NOLC1: variants seen among roughly 807,000 people sequenced by gnomAD.
NOLC1 encodes 140 kDa nucleolar phosphoprotein.
NOLC1 carries 37 observed loss-of-function variants against 73.4 expected under a neutral mutation model. That is an observed-to-expected ratio of 0.50 (90% CI 0.39 to 0.66). The LOEUF (loss-of-function observed/expected upper bound fraction) is 0.66. Ranked by LOEUF, NOLC1 falls within the 30% of genes least tolerant of loss-of-function variation. The probability of loss-of-function intolerance (pLI) is 0.00; values close to 1 mark genes in which losing one functional copy is unlikely to be tolerated. For synonymous variants in NOLC1, 327 were observed against 302.6 expected (o/e 1.08, Z -0.84); for missense variants, 921 against 838.9 (o/e 1.10, Z -1.21).
chr10:102,161,755 C>T, intron 11 of NOLC1, 78 bp from the exon 12 acceptor site: 2 of 1,515,736 alleles, frequency 1.3e-6, no homozygotes, highest in South Asian at 2.3e-5. Flanking sequence ...TGACCTGGTA[C>T]ATGTGCCCAT....
At chr10:102,158,293 CAG>C (rs1028892067) in intron 5 of NOLC1, 79 bp downstream of exon 5, 24 of 1,312,506 alleles carry the variant, frequency 1.8e-5, no homozygotes, top group Non-Finnish European at 2.2e-5. Context: ...CGATTTGGCA[CAG>C]GGGTGAAATG....
intron 1 of NOLC1, among the ~76,000 whole-genome samples, chr10:102,155,517 AT>A (rs147766613): frequency 0.019 from 2,566 of 133,682 alleles, 49 homozygotes; most frequent in African/African-American, 0.05. Context: ...GCCTGAATGC[AT>A]TTTTTTTTTT....
chr10:102,156,084 C>T (rs1201128844), intron 1 of NOLC1, among the ~76,000 whole-genome samples: 2 of 152,192 alleles, frequency 1.3e-5, no homozygotes, highest in Non-Finnish European at 2.9e-5. Flanking sequence ...AGGCGATCTG[C>T]CCGCCTTGGC....
Position 102,152,403 on chromosome 10 carries a change from C to G in NOLC1, c.-8C>G, listed in dbSNP as rs1235312711. 2.5e-6 allele frequency: 4 copies of G among 1,608,718 alleles called. No homozygotes were observed. Among genetic ancestry groups the G allele is most frequent in the Admixed American group, 1.7e-5 (1 of 60,026 alleles). ...TCGACAACGGTAGTGACGCGTATTG[C>G]CTGGAGGATGGCGGACGCCGGCATT... On this transcript the variant is annotated 5_prime_UTR_variant, in exon 1 of 13. Coordinates refer to ENST00000605788, the MANE Select transcript of NOLC1 (RefSeq NM_004741.5).
chr10:102,159,796 A>T, intron 7 of NOLC1, 100 bp from the exon 8 acceptor site: 1 of 1,264,454 alleles, frequency 7.9e-7, no homozygotes, highest in Non-Finnish European at 1.1e-6. Flanking sequence ...TCTGGCCCAT[A>T]CTCAAGTGAA....
rs774300241 is a variant in NOLC1 at position 102,159,218 on chromosome 10, T to C, written c.633T>C (p.Asn211=). ...KPARAAPKIA[N]GKAASSSSSS... ...CTCGAGCAGCACCTAAAATAGCCAA[T>C]GGTAAAGCAGCCAGTAGCAGCAGTA... Residue 211 remains asparagine (N), a synonymous_variant, in exon 6 of 13, where the codon AAT becomes AAC. Transcript: ENST00000605788. 6 of 1,613,768 alleles carry C rather than the reference T, an allele frequency of 3.7e-6. No individual in the cohort carries two copies. Among genetic ancestry groups the C allele is most frequent in the East Asian group, 2.2e-5 (1 of 44,866 alleles).
At chr10:102,155,743 C>T (rs918934292) in intron 1 of NOLC1, among the ~76,000 whole-genome samples, 2 of 152,118 alleles carry the variant, frequency 1.3e-5, no homozygotes, top group African/African-American at 4.8e-5. Flanking sequence ...CTCCTGACAT[C>T]ATGATCTGCC....
chr10:102,159,961 CCCAAGA>C lies in NOLC1; in HGVS notation c.926_931del (p.Pro309_Lys311delinsGln), dbSNP rs990798703. 1.9e-6 allele frequency: 3 copies of C among 1,610,966 alleles called. No homozygotes were observed. The highest frequency in any genetic ancestry group is 2.5e-6 in the Non-Finnish European group (3 of 1,178,602). ...AAAGAAGTCTCTGGGAACCCAGCCT[CCCAAGA>C]AGGCTGTGGAGAAGCAGCAGCCTGT... On this transcript the variant is annotated inframe_deletion, in exon 8 of 13. Transcript: ENST00000605788.
In NOLC1 at chr10:102,152,462, G is replaced by C; in HGVS notation, c.52G>C (p.Val18Leu). 2.5e-6 allele frequency: 4 copies of C among 1,613,454 alleles called. No individual in the cohort carries two copies. The highest frequency in any genetic ancestry group is 3.4e-6 in the Non-Finnish European group (4 of 1,180,032). ...RVVPSDLYPL[V>L]LGFLRDNQLS... ...GGTTCCCAGCGACCTGTATCCCCTC[G>C]TGCTCGGCTTCCTGCGCGATAACCA... is the stretch of plus-strand genomic sequence containing the variant. Residue 18 changes from valine to leucine, a missense_variant, in exon 1 of 13, where the codon GTG (valine) becomes CTG (leucine). Coordinates refer to ENST00000605788, the MANE Select transcript of NOLC1 (RefSeq NM_004741.5).
chr10:102,159,105 C>G, intron 5 of NOLC1, 88 bp from the exon 6 acceptor site: 3 of 982,130 alleles, frequency 3.1e-6, no homozygotes, highest in Non-Finnish European at 4.5e-6. Context: ...TGGTGGACTC[C>G]TAAGTTCTCT....
intron 1 of NOLC1, among the ~76,000 whole-genome samples, chr10:102,154,673 C>T (rs923773901): frequency 1.3e-5 from 2 of 152,036 alleles, no homozygotes; most frequent in South Asian, 2.1e-4. Context: ...GGATTACAGG[C>T]GCCCGCCTCC....
At chr10:102,154,903 T>A (rs2069565388) in intron 1 of NOLC1, among the ~76,000 whole-genome samples, 1 of 152,152 alleles carries the variant, frequency 6.6e-6, no homozygotes, top group African/African-American at 2.4e-5. Context: ...TCGCCCAGGC[T>A]GGAGTAAAGT....
Position 102,152,400 on chromosome 10 carries a change from T to TA in NOLC1, c.-11_-10insA. ...GCGTCGACAACGGTAGTGACGCGTA[T>TA]TGCCTGGAGGATGGCGGACGCCGGC... On this transcript the variant is annotated 5_prime_UTR_variant, in exon 1 of 13. The change creates a new upstream start codon in the 5' untranslated region. Coordinates refer to ENST00000605788, the MANE Select transcript of NOLC1 (RefSeq NM_004741.5). 6.2e-7 allele frequency: 1 copy of TA among 1,608,386 alleles called. No individual in the cohort carries two copies. Among genetic ancestry groups the TA allele is most frequent in the Non-Finnish European group, 8.5e-7 (1 of 1,180,012 alleles).
rs758688378 is a variant in NOLC1 at position 102,162,211 on chromosome 10, G to C, written c.2042G>C (p.Ser681Thr). 2.5e-6 allele frequency: 4 copies of C among 1,614,132 alleles called. No homozygotes were observed. The South Asian group carries it at 4.4e-5, about 18-fold the overall frequency. ...GAGAAAACCAAGAAGAAGCGGGGCA[G>C]CTACCGGGGAGGCTCAATCTCTGTC... The part of the protein sequence containing the change: ...RHEKTKKKRG[S>T]YRGGSISVQV... The change falls in exon 13 of 13, where the codon AGC becomes ACC. Residue 681 changes from serine to threonine, a missense_variant. Ser to Thr is a moderately conservative substitution (Grantham distance 58, BLOSUM62 1). Coordinates refer to ENST00000605788, the MANE Select transcript of NOLC1 (RefSeq NM_004741.5).
At chr10:102,156,309 G>A (rs573834351) in intron 1 of NOLC1, among the ~76,000 whole-genome samples, 24 of 151,940 alleles carry the variant, frequency 1.6e-4, no homozygotes, top group Middle Eastern at 3.4e-3. Flanking sequence ...TGGGGGTCTT[G>A]CTATGTTGCT....
intron 4 of NOLC1, 95 bp from the exon 5 acceptor site, chr10:102,157,954 G>C: frequency 8.9e-7 from 1 of 1,119,572 alleles, no homozygotes; most frequent in Non-Finnish European, 1.3e-6. Flanking sequence ...TGCTCTTACT[G>C]CTCCATTAGG....
At position 102,163,074 on chromosome 10, in the gene NOLC1, G is replaced by A. The variant is rs1222469301; in HGVS notation, c.*805G>A. 6.6e-6 allele frequency: 1 copy of A among 152,152 alleles called. No homozygotes were observed. The highest frequency in any genetic ancestry group is 2.4e-5 in the African/African-American group (1 of 41,418). 9.4% of individuals were successfully genotyped at this position (152,152 alleles called of 1,614,324 possible). A position where few individuals can be genotyped will look rare whatever the true frequency, so the allele number is the denominator to read the frequency against. On this transcript the variant is annotated 3_prime_UTR_variant, in exon 13 of 13. Coordinates refer to ENST00000605788, the MANE Select transcript of NOLC1 (RefSeq NM_004741.5). ...TTTTTTGACAACTTGACCCTTCCTA[G>A]TATTGAGTTCTAAGTTGAGGACTGC...
chr10:102,156,894 G>A, intron 1 of NOLC1, 125 bp from the exon 2 acceptor site: 4 of 931,362 alleles, frequency 4.3e-6, no homozygotes. Flanking sequence ...TATGCACGTA[G>A]CAAAAGTTTT....
chr10:102,159,376 G>T (rs1306860716), intron 6 of NOLC1, 57 bp from the exon 7 acceptor site: 1 of 1,613,414 alleles, frequency 6.2e-7, no homozygotes, highest in African/African-American at 1.3e-5. Flanking sequence ...TTCCTTCCCT[G>T]GCAGGATTGG....
Sources: gnomAD v4.1 joint callset for allele counts (sites outside exome capture counted in the v4.1 genomes callset) on GRCh38, gnomAD v4.1.1 for gene constraint, MANE v1.5 for transcripts, NCBI Gene and HGNC (gene_info 2026-07-23, HGNC 2026-07-21) for gene names.